The following EML6 variants were observed in gnomAD, a reference collection of about 807,000 sequenced individuals.
EML6 encodes the protein EMAP like 6.
EML6 carries 154 observed loss-of-function variants against 240.1 expected under a neutral mutation model. That is an observed-to-expected ratio of 0.64 (90% CI 0.56 to 0.73). The LOEUF is 0.73. Ranked by LOEUF, EML6 falls within the 30% of genes least tolerant of loss-of-function variation. The pLI is 0.00. For synonymous variants in EML6, 1,148 were observed against 899.0 expected (o/e 1.28, Z -4.95); for missense variants, 2,964 against 2,474.6 (o/e 1.20, Z -4.20).
chr2:54,725,259 G>A lies in EML6; in HGVS notation c.197+1G>A. 1.4e-6 allele frequency: 2 copies of A among 1,431,594 alleles called. No homozygotes were observed. The highest frequency in any genetic ancestry group is 1.9e-6 in the Non-Finnish European group (2 of 1,080,780). 88.7% of individuals were successfully genotyped at this position (1,431,594 alleles called of 1,614,324 possible). ...TGGGACACAACGACGACATTATCAG[G>A]TAAGGGGGTGGCCAGGGGCGGCGGG... On this transcript the variant is annotated splice_donor_variant, in intron 2 of 41. Transcript: ENST00000356458. LOFTEE classifies it high-confidence loss of function. This position sits in a 1 kb window ranked among gnomAD's most constrained non-coding sequence, Gnocchi z 4.3.
At chr2:54,822,792 C>T (rs1303293657) in intron 5 of EML6, among the ~76,000 whole-genome samples, 1 of 151,878 alleles carries the variant, frequency 6.6e-6, no homozygotes, top group Non-Finnish European at 1.5e-5. Context: ...TTGTATACTT[C>T]ATTGTAAAAT....
At chr2:54,883,560 G>C (rs1008287369) in intron 17 of EML6, among the ~76,000 whole-genome samples, 2 of 152,128 alleles carry the variant, frequency 1.3e-5, no homozygotes, top group East Asian at 3.9e-4. Flanking sequence ...TCCTTCCTTC[G>C]TGCTTGCTGG....
rs534997645 is a variant in EML6 at position 54,964,583 on chromosome 2, C to T, written c.5343C>T (p.Asp1781=). 4 of 1,552,374 alleles carry T rather than the reference C, an allele frequency of 2.6e-6. No individual in the cohort carries two copies. The highest frequency in any genetic ancestry group is 1.4e-5 in the African/African-American group (1 of 73,182). Residue 1781 remains aspartate, a synonymous_variant, in exon 38 of 42, where the codon GAC becomes GAT. Coordinates refer to ENST00000356458, the MANE Select transcript of EML6 (RefSeq NM_001039753.4). The part of the protein sequence containing the change: ...SAIQDIRISP[D]NRFLAVGSSE... ...TTGCTTTTTCTAGAATCAGCCCAGA[C>T]AACCGATTCTTAGCCGTTGGTTCTT...
At chr2:54,906,652 TAG>T (rs1402368284) in intron 24 of EML6, among the ~76,000 whole-genome samples, 1 of 152,146 alleles carries the variant, frequency 6.6e-6, no homozygotes, top group Non-Finnish European at 1.5e-5. Context: ...TTGAGAGTAG[TAG>T]AGACACTTCT....
chr2:54,950,137 T>C (rs1675900093), intron 29 of EML6, among the ~76,000 whole-genome samples: 1 of 135,884 alleles, frequency 7.4e-6, no homozygotes, highest in Non-Finnish European at 1.5e-5. Context: ...CTCAACAGTA[T>C]CTAGTTTTTG....
At chr2:54,795,810 T>C (rs1669735952) in intron 2 of EML6, among the ~76,000 whole-genome samples, 1 of 152,200 alleles carries the variant, frequency 6.6e-6, no homozygotes, top group African/African-American at 2.4e-5. Context: ...GTGAAAACGC[T>C]GATGAATGCA....
At chr2:54,864,867 A>C (rs1487703866) in intron 13 of EML6, among the ~76,000 whole-genome samples, 1 of 152,238 alleles carries the variant, frequency 6.6e-6, no homozygotes, top group Non-Finnish European at 1.5e-5. Context: ...TCATTGATTC[A>C]GAGTTTGAAA....
intron 5 of EML6, among the ~76,000 whole-genome samples, chr2:54,823,850 T>TTCATTC (rs1553387710): frequency 1.4e-5 from 1 of 72,260 alleles, no homozygotes; most frequent in Admixed American, 1.9e-4. Context: ...CATTCATTCA[T>TTCATTC]TCTCTCTCTC....
chr2:54,867,088 A>G (rs2103886130), intron 14 of EML6: 1 of 407,010 alleles, frequency 2.5e-6, no homozygotes, highest in Non-Finnish European at 4.5e-6. Context: ...TTCTGTGGCC[A>G]TCACAGTGTG....
At chr2:54,930,467 G>A (rs1227881247) in intron 28 of EML6, among the ~76,000 whole-genome samples, 5 of 151,622 alleles carry the variant, frequency 3.3e-5, no homozygotes, top group Non-Finnish European at 7.4e-5. Flanking sequence ...TTATTATCAA[G>A]CTATACCCCA....
chr2:54,754,708 C>T (rs145444596), intron 2 of EML6, among the ~76,000 whole-genome samples: 1 of 152,106 alleles, frequency 6.6e-6, no homozygotes, highest in Non-Finnish European at 1.5e-5. Flanking sequence ...CAATCTTTTA[C>T]TTTATGATTA....
chr2:54,792,142 A>G (rs895908531), intron 2 of EML6, among the ~76,000 whole-genome samples: 2 of 152,212 alleles, frequency 1.3e-5, no homozygotes, highest in Non-Finnish European at 2.9e-5. Flanking sequence ...ACAGTGGGAA[A>G]TGGGAAAACA....
intron 19 of EML6, 39 bp downstream of exon 19, chr2:54,892,695 C>T: frequency 2.7e-6 from 4 of 1,493,106 alleles, no homozygotes; most frequent in African/African-American, 1.4e-5. Context: ...CCTCATCAGC[C>T]TTCTAAAATT....
chr2:54,897,250 G>T, intron 21 of EML6, among the ~76,000 whole-genome samples: 1 of 152,028 alleles, frequency 6.6e-6, no homozygotes, highest in East Asian at 1.9e-4. Context: ...GAGGTAGTTT[G>T]GTTTAAATAT....
At position 54,879,575 on chromosome 2, in the gene EML6, T is replaced by G. The variant is rs1573054240; in HGVS notation, c.2373T>G (p.Gly791=). 6.4e-7 allele frequency: 1 copy of G among 1,551,870 alleles called. No individual in the cohort carries two copies. Among genetic ancestry groups the G allele is most frequent in the Non-Finnish European group, 8.7e-7 (1 of 1,146,826 alleles). ...ATGGAAAATGTCTGGTGTCGGTTGGTTTAGACGATTTTCACAGTATTGTAT... is the reference window on the plus strand; with the variant it reads ...ATGGAAAATGTCTGGTGTCGGTTGGGTTAGACGATTTTCACAGTATTGTAT... ...SADGKCLVSV[G]LDDFHSIVFW... is the part of the protein sequence containing the mutation. Residue 791 remains glycine, a synonymous_variant, in exon 17 of 42, where the codon GGT becomes GGG. Transcript: ENST00000356458.
intron 28 of EML6, among the ~76,000 whole-genome samples, chr2:54,938,691 G>A (rs541312767): frequency 6.6e-6 from 1 of 152,316 alleles, no homozygotes; most frequent in African/African-American, 2.4e-5. Flanking sequence ...TCAGGCCCAG[G>A]CTTCACGCTG....
intron 8 of EML6, among the ~76,000 whole-genome samples, chr2:54,846,484 ATT>A (rs34903209): frequency 0.36 from 51,465 of 141,816 alleles, 9,540 homozygotes; most frequent in Middle Eastern, 0.49. Flanking sequence ...TTGATACATA[ATT>A]TTTTTTTTTT....
chr2:54,861,879 A>C (rs933572162), intron 12 of EML6, among the ~76,000 whole-genome samples: 1 of 151,954 alleles, frequency 6.6e-6, no homozygotes, highest in Non-Finnish European at 1.5e-5. Flanking sequence ...AAGCAACCCC[A>C]GTTAAGTAGA....
intron 26 of EML6, among the ~76,000 whole-genome samples, chr2:54,921,574 AAAC>A (rs1262306397): frequency 6.6e-6 from 1 of 152,186 alleles, no homozygotes; most frequent in Non-Finnish European, 1.5e-5. Context: ...AAAATTGGAA[AAAC>A]AACCTTAAAA....
Sources: gnomAD v4.1 joint callset for allele counts (sites outside exome capture counted in the v4.1 genomes callset) on GRCh38, gnomAD v4.1.1 for gene constraint, Gnocchi (gnomAD v3.1) non-coding constraint, MANE v1.5 for transcripts, NCBI Gene and HGNC (gene_info 2026-07-23, HGNC 2026-07-21) for gene names.